The following GRIK5 variants were observed in gnomAD, a reference collection of about 807,000 sequenced individuals.
The protein encoded by GRIK5 is glutamate ionotropic receptor kainate type subunit 5.
In GRIK5, 43 loss-of-function variants were observed where a neutral mutation model predicts 97.4. The ratio of observed to expected loss-of-function variants is 0.44; its 90% CI spans 0.35 to 0.57. The LOEUF (loss-of-function observed/expected upper bound fraction) is 0.57. Ranked by LOEUF, GRIK5 falls within the 20% of genes least tolerant of loss-of-function variation. GRIK5 has a pLI of 0.01. For missense variants in GRIK5, 1,015 were observed against 1,382.0 expected, an observed-to-expected ratio of 0.73 and a Z score of 4.21; for synonymous variants, 580 against 583.5, an observed-to-expected ratio of 0.99 and a Z score of 0.09.
At chr19:42,048,716 T>C (rs532842008) in intron 11 of GRIK5, among the ~76,000 whole-genome samples, 4 of 152,038 alleles carry the variant, frequency 2.6e-5, no homozygotes, top group African/African-American at 7.2e-5. Flanking sequence ...AAGACATGAA[T>C]AGGAACCTTG....
intron 15 of GRIK5, among the ~76,000 whole-genome samples, chr19:42,009,956 C>T (rs2075541863): frequency 6.6e-6 from 1 of 150,902 alleles, no homozygotes; most frequent in African/African-American, 2.4e-5. Flanking sequence ...ATCCCAGCTA[C>T]TTGGGAGGCT....
At chr19:42,030,273 C>T (rs1028807436) in intron 12 of GRIK5, among the ~76,000 whole-genome samples, 1 of 152,124 alleles carries the variant, frequency 6.6e-6, no homozygotes, top group African/African-American at 2.4e-5. Context: ...CCTCTGCCTC[C>T]TGGGTTCAAG....
At chr19:42,011,464 A>C (rs1333462002) in intron 15 of GRIK5, among the ~76,000 whole-genome samples, 2 of 151,424 alleles carry the variant, frequency 1.3e-5, no homozygotes, top group Middle Eastern at 3.4e-3. Flanking sequence ...GAGGCAGAAG[A>C]ATGGCATGAA....
chr19:42,003,292 G>T lies in GRIK5; in HGVS notation c.2514+40C>A, dbSNP rs369139037. 3.1e-6 allele frequency: 5 copies of T among 1,590,582 alleles called. No homozygotes were observed. The highest frequency in any genetic ancestry group is 3.4e-6 in the Non-Finnish European group (4 of 1,164,368). On this transcript the variant is annotated intron_variant, in intron 19 of 19. Coordinates refer to ENST00000593562, the MANE Select transcript of GRIK5 (RefSeq NM_002088.5). This position sits in a 1 kb window ranked among gnomAD's most constrained non-coding sequence, Gnocchi z 4.2. Reference sequence around the variant, plus strand: ...ATCTTCACGCACCTCAGCCCCTGGGGGTCCCTGTTCCTGCCCACCCCCACC... The same window carrying T: ...ATCTTCACGCACCTCAGCCCCTGGGTGTCCCTGTTCCTGCCCACCCCCACC...
Position 42,022,491 on chromosome 19 carries a change from A to G in GRIK5, c.1474-137T>C. 6.8e-7 allele frequency: 1 copy of G among 1,468,700 alleles called. No individual in the cohort carries two copies. The highest frequency in any genetic ancestry group is 1.4e-5 in the South Asian group (1 of 72,428). 91.0% of individuals were successfully genotyped at this position (1,468,700 alleles called of 1,614,324 possible). A position where few individuals can be genotyped will look rare whatever the true frequency, so the allele number is the denominator to read the frequency against. ...GAGGTAGGGAGGGGGAGGGGCCAGGAGCATGGACTGACTCCAGGAGCCCAC... is the reference window on the plus strand; with the variant it reads ...GAGGTAGGGAGGGGGAGGGGCCAGGGGCATGGACTGACTCCAGGAGCCCAC... On this transcript the variant is annotated intron_variant, in intron 12 of 19. Transcript: ENST00000593562. This position sits in a 1 kb window ranked among gnomAD's most constrained non-coding sequence, Gnocchi z 4.2.
intron 15 of GRIK5, among the ~76,000 whole-genome samples, chr19:42,012,542 C>T (rs931038862): frequency 3.3e-5 from 5 of 152,240 alleles, no homozygotes; most frequent in African/African-American, 9.6e-5. Context: ...TGAGCCACCA[C>T]GCCCGGCCAG....
rs573246445 is a variant in GRIK5, at chr19:42,051,790, T to C, written c.1269+1812A>G. Among the ~76,000 whole-genome samples the C allele has an allele frequency of 3.0e-4, 46 of 152,234 alleles. No individual in the cohort carries two copies. The East Asian group carries it at 8.3e-3, about 28-fold the overall frequency. ...GGCTGTGTACACAGAGGCTGTTGCCTCCCTGTTCAACCTGACAAACACCTC... is the reference window on the plus strand; with the variant it reads ...GGCTGTGTACACAGAGGCTGTTGCCCCCCTGTTCAACCTGACAAACACCTC... On this transcript the variant is annotated intron_variant, in intron 11 of 19. Coordinates refer to ENST00000593562, the MANE Select transcript of GRIK5 (RefSeq NM_002088.5).
intron 11 of GRIK5, 39 bp downstream of exon 11, chr19:42,053,563 G>A (rs1486919732): frequency 6.6e-6 from 8 of 1,217,328 alleles, no homozygotes; most frequent in Non-Finnish European, 7.3e-6. Context: ...CTGGGCTCAG[G>A]GCAGCGCCAC....
At chr19:42,029,574 G>A (rs1049229845) in intron 12 of GRIK5, among the ~76,000 whole-genome samples, 6 of 152,038 alleles carry the variant, frequency 3.9e-5, no homozygotes, top group African/African-American at 9.7e-5. Flanking sequence ...GTGAGACTTC[G>A]TCTCAAAACA....
Position 42,003,386 on chromosome 19 carries a change from G to A in GRIK5, c.2460C>T (p.Phe820=), listed in dbSNP as rs371522864. 238 of 1,612,064 alleles carry A rather than the reference G, an allele frequency of 1.5e-4. 4 individuals are homozygous for A. The South Asian group carries it at 2.1e-3, about 14-fold the overall frequency. The change falls in exon 19 of 20, where the codon TTC becomes TTT. Residue 820 remains phenylalanine (F), a synonymous_variant. Transcript: ENST00000593562. The surrounding 1 kb of genome is among the most constrained non-coding windows in gnomAD (Gnocchi z 4.2). Reference sequence around the variant, plus strand: ...ACCATATGAATTCCATGACCGCCACGAAGACAGCAATGATGAGGCCACAGA... The same window carrying A: ...ACCATATGAATTCCATGACCGCCACAAAGACAGCAATGATGAGGCCACAGA... ...VLICGLIIAV[F]VAVMEFIWST...
Position 42,002,499 on chromosome 19 carries a change from T to G in GRIK5, c.2514+833A>C. On this transcript the variant is annotated intron_variant, in intron 19 of 19. Transcript: ENST00000593562. This position sits in a 1 kb window ranked among gnomAD's most constrained non-coding sequence, Gnocchi z 5.2. Reference sequence around the variant, plus strand: ...TGGACGGCTCCTTCAGAGGAGTCCTTGGGCCAAGTGCAGAACACTGGCAGG... The same window carrying G: ...TGGACGGCTCCTTCAGAGGAGTCCTGGGGCCAAGTGCAGAACACTGGCAGG... 1 of 715,686 alleles carries G rather than the reference T, an allele frequency of 1.4e-6. No homozygotes were observed. Among genetic ancestry groups the G allele is most frequent in the Non-Finnish European group, 2.6e-6 (1 of 383,910 alleles). 44.3% of individuals were successfully genotyped at this position (715,686 alleles called of 1,614,324 possible).
chr19:42,057,130 T>G, intron 6 of GRIK5, 152 bp from the exon 7 acceptor site: 1 of 678,424 alleles, frequency 1.5e-6, no homozygotes, highest in Admixed American at 2.2e-5. Flanking sequence ...TGCTCAGAGA[T>G]AGACAGACAG....
chr19:42,034,061 C>T (rs886960898), intron 12 of GRIK5, among the ~76,000 whole-genome samples: 12 of 151,682 alleles, frequency 7.9e-5, no homozygotes, highest in Non-Finnish European at 1.5e-4. Context: ...CTCTGCAGCA[C>T]GATAAAAATA....
intron 6 of GRIK5, among the ~76,000 whole-genome samples, chr19:42,058,038 C>T (rs1416375836): frequency 1.3e-5 from 2 of 152,258 alleles, no homozygotes; most frequent in South Asian, 2.1e-4. Flanking sequence ...ACGGCTGGCA[C>T]GGGAGGGGCC....
chr19:42,062,778 G>A lies in GRIK5; in HGVS notation c.322C>T (p.His108Tyr). The change falls in exon 4 of 20, where the codon CAT becomes TAT. Residue 108 changes from histidine to tyrosine, a missense_variant. Physicochemically the swap from His to Tyr is moderately conservative, Grantham distance 83. Coordinates refer to ENST00000593562, the MANE Select transcript of GRIK5 (RefSeq NM_002088.5). This position sits in a 1 kb window ranked among gnomAD's most constrained non-coding sequence, Gnocchi z 5.3. The stretch of plus-strand genomic sequence containing the variant: ...CTCACCTCCTTCTCTCCACAGATAT[G>A]GCTCACGGTGGAGGCAGATGCTGGG... ...SSPASASTVS[H>Y]ICGEKEIPHI... 1 of 1,613,610 alleles carries A rather than the reference G, an allele frequency of 6.2e-7. No homozygotes were observed. Among genetic ancestry groups the A allele is most frequent in the Non-Finnish European group, 8.5e-7 (1 of 1,179,502 alleles).
intron 15 of GRIK5, among the ~76,000 whole-genome samples, chr19:42,009,359 C>T (rs1757111372): frequency 6.6e-6 from 1 of 151,992 alleles, no homozygotes; most frequent in Admixed American, 6.6e-5. Flanking sequence ...TCTCCTGCCT[C>T]AGCCTCCTGA....
At chr19:42,024,108 C>T (rs1440462242) in intron 12 of GRIK5, among the ~76,000 whole-genome samples, 1 of 152,160 alleles carries the variant, frequency 6.6e-6, no homozygotes, top group Non-Finnish European at 1.5e-5. Flanking sequence ...GCTCTTCTTC[C>T]CCGTTCCAGG....
In GRIK5 at chr19:41,998,850, C is replaced by A. The variant is rs1304925379; in HGVS notation, c.*21G>T. The A allele has an allele frequency of 1.4e-5, 15 of 1,110,068 alleles. No individual in the cohort carries two copies. Among genetic ancestry groups the A allele is most frequent in the Non-Finnish European group, 1.7e-5 (15 of 907,676 alleles). 68.8% of individuals were successfully genotyped at this position (1,110,068 alleles called of 1,614,324 possible). On this transcript the variant is annotated 3_prime_UTR_variant, in exon 20 of 20. Transcript: ENST00000593562. ...CCCGTCCCTTCGGTCAGTCCGGGCG[C>A]CCGCACAGCCCCGCCCGTGGTCACT...
At chr19:42,018,807 C>T (rs2075662282) in intron 15 of GRIK5, among the ~76,000 whole-genome samples, 1 of 151,168 alleles carries the variant, frequency 6.6e-6, no homozygotes, top group Non-Finnish European at 1.5e-5. Flanking sequence ...AGGTAGTGGG[C>T]TGTGGCCAGG....
Sources: gnomAD v4.1 joint callset for allele counts (sites outside exome capture counted in the v4.1 genomes callset) on GRCh38, gnomAD v4.1.1 for gene constraint, Gnocchi (gnomAD v3.1) non-coding constraint, MANE v1.5 for transcripts, NCBI Gene and HGNC (gene_info 2026-07-23, HGNC 2026-07-21) for gene names.